The following NUP37 variants were observed in gnomAD, a reference collection of about 807,000 sequenced individuals.
The protein encoded by NUP37 is nucleoporin 37.
In NUP37, 33 loss-of-function variants were observed where a neutral mutation model predicts 45.4. That is an observed-to-expected ratio of 0.73 (90% confidence interval 0.55 to 0.97). NUP37 has a LOEUF of 0.97. NUP37 is among the 50% of genes least tolerant of loss of function. The probability of loss-of-function intolerance (pLI) is 0.00; values close to 1 mark genes in which losing one functional copy is unlikely to be tolerated. For missense variants in NUP37, 365 were observed against 389.7 expected (o/e 0.94, Z 0.53); for synonymous variants, 127 against 130.7 (o/e 0.97, Z 0.19).
At chr12:102,083,369 T>C (rs73185910) in intron 6 of NUP37, among the ~76,000 whole-genome samples, 1 of 152,200 alleles carries the variant, frequency 6.6e-6, no homozygotes. Flanking sequence ...ATTTCACTCA[T>C]GCACATATGC....
At chr12:102,112,728 A>G (rs911919029) in intron 2 of NUP37, among the ~76,000 whole-genome samples, 2 of 152,114 alleles carry the variant, frequency 1.3e-5, no homozygotes, top group Non-Finnish European at 2.9e-5. Flanking sequence ...TACTGACAAT[A>G]TTAAAAAAAT....
chr12:102,074,789 A>G, intron 9 of NUP37: 1 of 455,118 alleles, frequency 2.2e-6, no homozygotes, highest in South Asian at 4.8e-5. Context: ...ATACTGGCCA[A>G]AAAAACCTGT....
At chr12:102,089,489 C>CT (rs1879580916) in intron 5 of NUP37, among the ~76,000 whole-genome samples, 1 of 136,754 alleles carries the variant, frequency 7.3e-6, no homozygotes, top group African/African-American at 2.8e-5. Flanking sequence ...ACTTCCCAGA[C>CT]GGGGCAGCCA....
chr12:102,077,728 T>C (rs1879215299), intron 6 of NUP37, among the ~76,000 whole-genome samples: 1 of 152,180 alleles, frequency 6.6e-6, no homozygotes, highest in Non-Finnish European at 1.5e-5. Flanking sequence ...AACACAAACT[T>C]TGTTTCATGC....
chr12:102,103,147 TGATA>T (rs749239810), intron 3 of NUP37, among the ~76,000 whole-genome samples: 2 of 152,186 alleles, frequency 1.3e-5, no homozygotes, highest in African/African-American at 2.4e-5. Flanking sequence ...ATTGGAGTTT[TGATA>T]GATAGGCATT....
chr12:102,109,064 A>C (rs1309293318), intron 3 of NUP37, among the ~76,000 whole-genome samples: 4 of 152,244 alleles, frequency 2.6e-5, no homozygotes, highest in South Asian at 2.1e-4. Flanking sequence ...CCAAACAAAC[A>C]AACCCAGAAA....
rs147751381 is a variant in NUP37 at position 102,078,497 on chromosome 12, A to G, written c.541-994T>C. On this transcript the variant is annotated intron_variant, in intron 6 of 9. Coordinates refer to ENST00000552283, the MANE Select transcript of NUP37 (RefSeq NM_024057.4). The stretch of plus-strand genomic sequence containing the variant: ...AGTATGTATCTCTCAAGAGAGACAG[A>G]CATTTATGTGTTACACATACTTATG... Among the ~76,000 whole-genome samples the G allele has an allele frequency of 2.9e-3, 437 of 152,342 alleles. 3 individuals carry two copies. Among genetic ancestry groups the G allele is most frequent in the African/African-American group, 9.8e-3 (409 of 41,574 alleles).
intron 2 of NUP37, 128 bp from the exon 3 acceptor site, chr12:102,112,360 A>G (rs771288556): frequency 2.4e-5 from 16 of 676,568 alleles, no homozygotes; most frequent in South Asian, 6.9e-5. Context: ...CAAATTACAT[A>G]TTAAGATTTA....
intron 4 of NUP37, among the ~76,000 whole-genome samples, chr12:102,099,672 A>G (rs908086081): frequency 4.6e-5 from 7 of 152,198 alleles, no homozygotes; most frequent in Admixed American, 3.3e-4. Context: ...CTTCATTTAC[A>G]TGCTCAATGT....
At chr12:102,101,166 T>G in intron 3 of NUP37, 62 bp from the exon 4 acceptor site, 1 of 794,926 alleles carries the variant, frequency 1.3e-6, no homozygotes, top group Non-Finnish European at 2.0e-6. Context: ...GGTCTCCCCC[T>G]CCCCCCCATC....
At chr12:102,080,044 C>T (rs906540298) in intron 6 of NUP37, among the ~76,000 whole-genome samples, 2 of 152,118 alleles carry the variant, frequency 1.3e-5, no homozygotes, top group Non-Finnish European at 2.9e-5. Context: ...TGTATACATA[C>T]ATACATACAC....
At chr12:102,101,147 T>A in intron 3 of NUP37, 43 bp from the exon 4 acceptor site, 1 of 1,170,862 alleles carries the variant, frequency 8.5e-7, no homozygotes, top group Non-Finnish European at 1.2e-6. Flanking sequence ...TTAGCCTTTG[T>A]AAGTGAAAGG....
In NUP37 at chr12:102,074,350, C is replaced by T; in HGVS notation, c.*4G>A. On this transcript the variant is annotated 3_prime_UTR_variant, in exon 10 of 10. Coordinates refer to ENST00000552283, the MANE Select transcript of NUP37 (RefSeq NM_024057.4). ...GTTTGTGAATCTAAGGTACAGAAAA[C>T]ACTTTATACTTCAGTCACCCAAAAC... 1 of 1,565,768 alleles carries T rather than the reference C, an allele frequency of 6.4e-7. No homozygotes were observed. The highest frequency in any genetic ancestry group is 2.2e-5 in the East Asian group (1 of 44,464).
chr12:102,091,416 A>C (rs1303041779), intron 5 of NUP37, among the ~76,000 whole-genome samples: 4 of 149,944 alleles, frequency 2.7e-5, no homozygotes, highest in East Asian at 1.9e-4. Flanking sequence ...AAAAAAAAAA[A>C]AAAAAAAAAA....
intron 3 of NUP37, 54 bp downstream of exon 3, chr12:102,112,054 G>GT: frequency 6.5e-7 from 1 of 1,540,040 alleles, no homozygotes; most frequent in South Asian, 1.2e-5. Flanking sequence ...TTCCAATCAT[G>GT]TAACACAATC....
At chr12:102,076,734 C>T in intron 8 of NUP37, 63 bp downstream of exon 8, 1 of 1,344,648 alleles carries the variant, frequency 7.4e-7, no homozygotes, top group Admixed American at 1.8e-5. Flanking sequence ...ACAAAAGTAT[C>T]CCAGTGGTGG....
chr12:102,118,301 G>T, intron 2 of NUP37, 62 bp downstream of exon 2: 8 of 1,418,356 alleles, frequency 5.6e-6, no homozygotes, highest in South Asian at 2.9e-5. Context: ...GATTTGGTTT[G>T]TGTAAGTTCT....
At position 102,074,425 on chromosome 12, in the gene NUP37, A is replaced by G; in HGVS notation, c.910T>C (p.Trp304Arg). Reference sequence around the variant, plus strand: ...ACACACAGAGGGAGAGTTCGATGCCAGGACAGTCCAGATCCAACGGCTACA... The same window carrying G: ...ACACACAGAGGGAGAGTTCGATGCCGGGACAGTCCAGATCCAACGGCTACA... Reference protein sequence around the residue: ...GSVAVGSGLSWHRTLPLCVIG... With the variant: ...GSVAVGSGLSRHRTLPLCVIG... Residue 304 changes from tryptophan (W) to arginine (R), a missense_variant, in exon 10 of 10, where the codon TGG (tryptophan) becomes CGG (arginine). Transcript: ENST00000552283. 6.2e-7 allele frequency: 1 copy of G among 1,612,866 alleles called. No homozygotes were observed. Among genetic ancestry groups the G allele is most frequent in the Non-Finnish European group, 8.5e-7 (1 of 1,179,234 alleles).
intron 3 of NUP37, among the ~76,000 whole-genome samples, chr12:102,109,152 T>C (rs1880240121): frequency 6.6e-6 from 1 of 152,178 alleles, no homozygotes; most frequent in African/African-American, 2.4e-5. Context: ...CCTTCTTTAA[T>C]TGAACCAGAA....
Sources: gnomAD v4.1 joint callset for allele counts (sites outside exome capture counted in the v4.1 genomes callset) on GRCh38, gnomAD v4.1.1 for gene constraint, MANE v1.5 for transcripts, NCBI Gene and HGNC (gene_info 2026-07-23, HGNC 2026-07-21) for gene names.